Variants in SYTL2 observed in about 807,000 individuals in gnomAD.
SYTL2 encodes synaptotagmin like 2.
In SYTL2, 165 loss-of-function variants were observed where a neutral mutation model predicts 198.7. The observed-to-expected ratio is 0.83, with a 90% CI of 0.73 to 0.94. The LOEUF is 0.94. Ranked by LOEUF, SYTL2 falls within the 40% of genes least tolerant of loss-of-function variation. SYTL2 has a pLI of 0.00. For synonymous variants in SYTL2, 966 were observed against 917.7 expected (o/e 1.05, Z -0.95); for missense variants, 2,835 against 2,582.8 (o/e 1.10, Z -2.12).
intron 9 of SYTL2, chr11:85,719,145 G>C: frequency 7.1e-7 from 1 of 1,410,622 alleles, no homozygotes; most frequent in Non-Finnish European, 9.3e-7. Flanking sequence ...GCACGGGGCT[G>C]CAACAGCCTC....
chr11:85,812,553 C>A (rs1486790471), upstream of SYTL2, among the ~76,000 whole-genome samples: 3 of 152,126 alleles, frequency 2.0e-5, no homozygotes, highest in Non-Finnish European at 4.4e-5. Context: ...AATAGGTTGA[C>A]AAAGTGTTGT....
chr11:85,775,972 C>G (rs2092444433), intron 1 of SYTL2, among the ~76,000 whole-genome samples: 1 of 152,188 alleles, frequency 6.6e-6, no homozygotes, highest in Non-Finnish European at 1.5e-5. Flanking sequence ...GATGGAGGTA[C>G]GGCCTAATGG....
Position 85,736,632 on chromosome 11 carries a change from T to C in SYTL2, c.472-17A>G. 1 of 1,329,626 alleles carries C rather than the reference T, an allele frequency of 7.5e-7. No homozygotes were observed. Among genetic ancestry groups the C allele is most frequent in the Non-Finnish European group, 1.1e-6 (1 of 928,312 alleles). 82.4% of individuals were successfully genotyped at this position (1,329,626 alleles called of 1,614,324 possible). A position where few individuals can be genotyped will look rare whatever the true frequency, so the allele number is the denominator to read the frequency against. On this transcript the variant is annotated splice_polypyrimidine_tract_variant and intron_variant, in intron 5 of 19. Transcript: ENST00000359152. ...CTTCCTCTGCTGGGGACAAATATTG[T>C]TTATTAAACTTATTTTAAATGTCAT...
chr11:85,805,167 G>T (rs1207894876), intron 1 of SYTL2, among the ~76,000 whole-genome samples: 2 of 151,940 alleles, frequency 1.3e-5, no homozygotes, highest in African/African-American at 4.8e-5. Flanking sequence ...GTCCCAAAAT[G>T]GCATAACTGA....
chr11:85,768,051 A>G lies in SYTL2; in HGVS notation c.-389-9937T>C, dbSNP rs115471878. ...ATAGTTAGACACTCACTATCAGGGT[A>G]CTACAAGTGAGCATCAGCACTTGCA... On this transcript the variant is annotated intron_variant, in intron 1 of 19. Transcript: ENST00000359152. Among the ~76,000 whole-genome samples the G allele has an allele frequency of 2.3e-3, 345 of 152,300 alleles. 3 individuals are homozygous for G. The highest frequency in any genetic ancestry group is 8.0e-3 in the African/African-American group (331 of 41,564).
intron 1 of SYTL2, among the ~76,000 whole-genome samples, chr11:85,778,767 A>C (rs1320964750): frequency 6.6e-6 from 1 of 152,194 alleles, no homozygotes; most frequent in East Asian, 1.9e-4. Flanking sequence ...ACTTAAGCTC[A>C]CAAGTTTGAG....
Position 85,720,952 on chromosome 11 carries a change from T to C in SYTL2, c.5334A>G (p.Glu1778=). The C allele has an allele frequency of 1.9e-6, 3 of 1,610,738 alleles. No homozygotes were observed. Among genetic ancestry groups the C allele is most frequent in the Non-Finnish European group, 2.5e-6 (3 of 1,177,104 alleles). ...TTTTCAAAACAGGACTGGGTTCTTC[T>C]TCTGAACCTGTTATAAAACAAAATC... ...AESWRNPSSS[E]EEPSPVLKTL... The change falls in exon 9 of 20, where the codon GAA becomes GAG. Residue 1778 remains glutamate (E), a synonymous_variant. Coordinates refer to ENST00000359152, the MANE Select transcript of SYTL2 (RefSeq NM_206927.4).
intron 1 of SYTL2, among the ~76,000 whole-genome samples, chr11:85,780,406 G>A (rs1248128077): frequency 6.6e-6 from 1 of 152,172 alleles, no homozygotes; most frequent in Non-Finnish European, 1.5e-5. Context: ...TCAGAATGGG[G>A]GCTGGTCACA....
chr11:85,792,019 G>A (rs1181581246), intron 1 of SYTL2, among the ~76,000 whole-genome samples: 1 of 152,028 alleles, frequency 6.6e-6, no homozygotes, highest in Non-Finnish European at 1.5e-5. Flanking sequence ...TATAACTGGC[G>A]AATTGTATAG....
At chr11:85,701,822 T>A (rs1178638830) in intron 16 of SYTL2, among the ~76,000 whole-genome samples, 1 of 152,242 alleles carries the variant, frequency 6.6e-6, no homozygotes, top group Non-Finnish European at 1.5e-5. Context: ...GGTGGGATTT[T>A]AAATATCAGT....
intron 4 of SYTL2, among the ~76,000 whole-genome samples, chr11:85,742,666 TA>T (rs2090889071): frequency 6.6e-6 from 1 of 152,252 alleles, no homozygotes; most frequent in Non-Finnish European, 1.5e-5. Context: ...TTCTGTATTT[TA>T]TTTTTCTAGT....
At chr11:85,750,006 T>A (rs1038697687) in intron 2 of SYTL2, among the ~76,000 whole-genome samples, 9 of 152,152 alleles carry the variant, frequency 5.9e-5, no homozygotes, top group Non-Finnish European at 1.3e-4. Context: ...TTCAGATTCA[T>A]TTTTCCAGCA....
intron 1 of SYTL2, among the ~76,000 whole-genome samples, chr11:85,805,148 C>T (rs1170847889): frequency 6.6e-6 from 1 of 151,846 alleles, no homozygotes; most frequent in Non-Finnish European, 1.5e-5. Context: ...GGATGAAAAC[C>T]CTGAACGTGT....
At chr11:85,792,336 T>C (rs561543012) in intron 1 of SYTL2, among the ~76,000 whole-genome samples, 5 of 152,104 alleles carry the variant, frequency 3.3e-5, no homozygotes, top group African/African-American at 7.2e-5. Flanking sequence ...GTGGAGGCAA[T>C]TGCAAGCCAA....
chr11:85,796,588 G>A (rs1218118409), intron 1 of SYTL2, among the ~76,000 whole-genome samples: 2 of 152,180 alleles, frequency 1.3e-5, no homozygotes, highest in East Asian at 3.8e-4. Context: ...AATCAAGAAG[G>A]CTTCAACTTT....
intron 14 of SYTL2, chr11:85,707,953 T>G: frequency 2.5e-5 from 2 of 79,952 alleles, no homozygotes; most frequent in Non-Finnish European, 4.4e-5. Context: ...GCCAGGCTGG[T>G]CTCAAAAAAA....
the SYTL2 span, among the ~76,000 whole-genome samples, chr11:85,841,173 G>A: frequency 1.3e-5 from 2 of 152,138 alleles, no homozygotes; most frequent in Non-Finnish European, 2.9e-5. Flanking sequence ...TCAAAAAATA[G>A]ATGCTAGTGA....
rs1438289889 is a variant in SYTL2, at chr11:85,695,010, G to T, written c.*185C>A. 3 of 442,290 alleles carry T rather than the reference G, an allele frequency of 6.8e-6. No homozygotes were observed. Among genetic ancestry groups the T allele is most frequent in the Non-Finnish European group, 1.2e-5 (3 of 257,156 alleles). 27.4% of individuals were successfully genotyped at this position (442,290 alleles called of 1,614,324 possible). A position where few individuals can be genotyped will look rare whatever the true frequency, so the allele number is the denominator to read the frequency against. On this transcript the variant is annotated 3_prime_UTR_variant, in exon 20 of 20. Transcript: ENST00000359152. ...ATTAGAGTCACAAATTACACATTTT[G>T]TTATATTTAAATCCCTTGGGCCTTG... is the stretch of plus-strand genomic sequence containing the variant.
At chr11:85,716,851 TTA>T (rs1242360870) in intron 11 of SYTL2, among the ~76,000 whole-genome samples, 1 of 152,096 alleles carries the variant, frequency 6.6e-6, no homozygotes, top group Non-Finnish European at 1.5e-5. Flanking sequence ...CGAACAAACA[TTA>T]TCTTTGCTTG....
Sources: allele counts gnomAD v4.1 joint callset (sites outside exome capture counted in the v4.1 genomes callset), GRCh38; gene constraint gnomAD v4.1.1; transcripts MANE v1.5; gene names NCBI Gene and HGNC (gene_info 2026-07-23, HGNC 2026-07-21).